POGLUT1: variants seen among roughly 807,000 people sequenced by gnomAD.
POGLUT1 encodes 9630046K23Rik.
A neutral mutation model predicts 61.3 loss-of-function variants in POGLUT1; 32 were observed. The observed-to-expected ratio is 0.52, with a 90% CI of 0.39 to 0.70. The LOEUF (loss-of-function observed/expected upper bound fraction) is 0.70. Ranked by LOEUF, POGLUT1 falls within the 30% of genes least tolerant of loss-of-function variation. The pLI is 0.00. For missense variants in POGLUT1, 411 were observed against 469.8 expected, an observed-to-expected ratio of 0.87 and a Z score of 1.16; for synonymous variants, 158 against 158.2, an observed-to-expected ratio of 1.00 and a Z score of 0.01.
chr3:119,488,163 T>G (rs2081693469), intron 7 of POGLUT1: 1 of 152,130 alleles, frequency 6.6e-6, no homozygotes, highest in South Asian at 2.1e-4. Context: ...TTAAGAAACT[T>G]TGTTGAATAA....
At chr3:119,477,550 A>T (rs1009604723) in intron 4 of POGLUT1, 102 bp downstream of exon 4, 17 of 1,137,064 alleles carry the variant, frequency 1.5e-5, no homozygotes, top group Non-Finnish European at 2.2e-5. Context: ...AATGGTAAGG[A>T]TGAGGACTGA....
At chr3:119,482,013 C>G (rs979306431) in intron 5 of POGLUT1, among the ~76,000 whole-genome samples, 16 of 151,854 alleles carry the variant, frequency 1.1e-4, no homozygotes, top group Non-Finnish European at 2.1e-4. Flanking sequence ...GTGATCCTCC[C>G]ACCTTGGCCT....
intron 3 of POGLUT1, among the ~76,000 whole-genome samples, chr3:119,475,752 C>T (rs1481758909): frequency 6.6e-6 from 1 of 150,390 alleles, no homozygotes; most frequent in Non-Finnish European, 1.5e-5. Context: ...GTGGAGGTTG[C>T]AGTCAGCTGA....
At chr3:119,489,156 G>A (rs1395676031) in intron 8 of POGLUT1, 169 bp downstream of exon 8, 2 of 455,410 alleles carry the variant, frequency 4.4e-6, no homozygotes, top group Non-Finnish European at 8.0e-6. Context: ...TGAGTTCTGT[G>A]GCGACTGTAG....
In POGLUT1 at chr3:119,485,316, C is replaced by G. The variant is rs895184716; in HGVS notation, c.579-12C>G. On this transcript the variant is annotated splice_polypyrimidine_tract_variant and intron_variant, in intron 5 of 10. Transcript: ENST00000295588. ...AAGATATATTGAAACTAATTAAATTCTATATTCTTAGGTCAGCAGCACAGT... is the reference window on the plus strand; with the variant it reads ...AAGATATATTGAAACTAATTAAATTGTATATTCTTAGGTCAGCAGCACAGT... 6.5e-7 allele frequency: 1 copy of G among 1,545,836 alleles called. No homozygotes were observed. The highest frequency in any genetic ancestry group is 1.7e-4 in the Middle Eastern group (1 of 5,860).
At chr3:119,474,820 C>G (rs1299234923) in intron 3 of POGLUT1, among the ~76,000 whole-genome samples, 1 of 152,030 alleles carries the variant, frequency 6.6e-6, no homozygotes, top group African/African-American at 2.4e-5. Context: ...GCCTGGTCAA[C>G]AAGAAAGAAA....
At chr3:119,492,230 A>G (rs1174801808) in intron 10 of POGLUT1, 52 bp from the exon 11 acceptor site, 4 of 1,364,144 alleles carry the variant, frequency 2.9e-6, no homozygotes, top group Non-Finnish European at 4.1e-6. Flanking sequence ...GCAGACTGCT[A>G]TTATCATTAA....
intron 5 of POGLUT1, 79 bp downstream of exon 5, chr3:119,480,251 A>C (rs1353296245): frequency 7.8e-6 from 9 of 1,152,842 alleles, no homozygotes; most frequent in South Asian, 1.9e-5. Context: ...CCAATTATTT[A>C]CTTTTTTTTT....
At chr3:119,469,596 A>G (rs975073736) in intron 1 of POGLUT1, among the ~76,000 whole-genome samples, 1 of 152,132 alleles carries the variant, frequency 6.6e-6, no homozygotes, top group African/African-American at 2.4e-5. Flanking sequence ...TAAGCTTGGG[A>G]ATTTTCCAGT....
Position 119,489,590 on chromosome 3 carries a change from G to A in POGLUT1, c.797+603G>A, listed in dbSNP as rs138161854. On this transcript the variant is annotated intron_variant, in intron 8 of 10. Transcript: ENST00000295588. ...AGCAACTCTGGTTGGCGACAGGTGCGTGCATAAGAAATGCTGAGAAGAAGA... is the reference window on the plus strand; with the variant it reads ...AGCAACTCTGGTTGGCGACAGGTGCATGCATAAGAAATGCTGAGAAGAAGA... 127 of 152,278 alleles carry A rather than the reference G, an allele frequency of 8.3e-4. 1 individual carries two copies. The highest frequency in any genetic ancestry group is 2.9e-3 in the African/African-American group (121 of 41,510). The allele number at this position is 152,278 out of a possible 1,614,324, so 9.4% of individuals were successfully genotyped here.
intron 7 of POGLUT1, chr3:119,488,668 G>A: frequency 3.6e-6 from 1 of 278,794 alleles, no homozygotes; most frequent in Non-Finnish European, 6.9e-6. Flanking sequence ...CATGGCTTTA[G>A]GTGTGCTTAA....
chr3:119,490,098 A>G (rs1425929684), intron 8 of POGLUT1: 1 of 160,982 alleles, frequency 6.2e-6, no homozygotes, highest in African/African-American at 2.4e-5. Flanking sequence ...GGTACACTAG[A>G]GGAAAAACAA....
intron 5 of POGLUT1, among the ~76,000 whole-genome samples, chr3:119,480,663 G>A (rs2081595525): frequency 6.6e-6 from 1 of 151,998 alleles, no homozygotes; most frequent in South Asian, 2.1e-4. Flanking sequence ...GGGCAGAATA[G>A]TCTATCCTAA....
At position 119,488,933 on chromosome 3, in the gene POGLUT1, C is replaced by T. The variant is rs2081705514; in HGVS notation, c.743C>T (p.Thr248Ile). 13 of 1,582,846 alleles carry T rather than the reference C, an allele frequency of 8.2e-6. No homozygotes were observed. Among genetic ancestry groups the T allele is most frequent in the South Asian group, 1.1e-5 (1 of 89,864 alleles). ...TAACTTCCTTTCCACTTAAAGGATA[C>T]CTTAGGAAAGCCAGCTGCTAAGGAT... is the stretch of plus-strand genomic sequence containing the variant. Reference protein sequence around the residue: ...KNQAWKSMKDTLGKPAAKDVH... With the variant: ...KNQAWKSMKDILGKPAAKDVH... Residue 248 changes from threonine to isoleucine, a missense_variant, in exon 8 of 11, where the codon ACC (threonine) becomes ATC (isoleucine). By Grantham distance (89) the Thr-to-Ile change is moderately conservative (BLOSUM62 -1). Transcript: ENST00000295588.
chr3:119,481,883 A>G (rs987685415), intron 5 of POGLUT1, among the ~76,000 whole-genome samples: 16 of 152,072 alleles, frequency 1.1e-4, no homozygotes, highest in African/African-American at 3.9e-4. Context: ...GGTTTTGAAC[A>G]TAATTTTGAG....
At chr3:119,477,021 A>AT (rs2081545237) in intron 3 of POGLUT1, among the ~76,000 whole-genome samples, 1 of 152,254 alleles carries the variant, frequency 6.6e-6, no homozygotes, top group East Asian at 1.9e-4. Context: ...AACTGGAATG[A>AT]ATAAAGTGGT....
chr3:119,489,002 A>T lies in POGLUT1; in HGVS notation c.797+15A>T. On this transcript the variant is annotated intron_variant, in intron 8 of 10. Transcript: ENST00000295588. Reference sequence around the variant, plus strand: ...TGCAAATACAAGTAAGATTTGCAGGACTCCTCACTTTCTTGGTTTCCATAC... The same window carrying T: ...TGCAAATACAAGTAAGATTTGCAGGTCTCCTCACTTTCTTGGTTTCCATAC... The T allele has an allele frequency of 6.6e-7, 1 of 1,503,770 alleles. No homozygotes were observed. Among genetic ancestry groups the T allele is most frequent in the Non-Finnish European group, 9.2e-7 (1 of 1,086,338 alleles). 93.2% of individuals were successfully genotyped at this position (1,503,770 alleles called of 1,614,324 possible).
chr3:119,485,360 A>T lies in POGLUT1; in HGVS notation c.611A>T (p.Asn204Ile). 5 of 1,608,536 alleles carry T rather than the reference A, an allele frequency of 3.1e-6. No homozygotes were observed. The highest frequency in any genetic ancestry group is 4.3e-6 in the Non-Finnish European group (5 of 1,175,354). The change falls in exon 6 of 11, where the codon AAC becomes ATC. Residue 204 changes from asparagine (N) to isoleucine (I), a missense_variant. Asn to Ile is a moderately radical substitution (Grantham distance 149). Transcript: ENST00000295588. ...SAAQWPWKKK[N>I]STAYFRGSRT... ...GCACAGTGGCCATGGAAAAAGAAAAACTCTACAGCATATTTCCGAGGATCA... is the reference window on the plus strand; with the variant it reads ...GCACAGTGGCCATGGAAAAAGAAAATCTCTACAGCATATTTCCGAGGATCA...
rs551897193 is a variant in POGLUT1, at chr3:119,494,301, T to C, written c.*1863T>C. ...AAGAACTATTGGGTGGGTGGATGGA[T>C]GGATGGAGGAATGGAGACAGTTGGC... On this transcript the variant is annotated 3_prime_UTR_variant, in exon 11 of 11. Transcript: ENST00000295588. The C allele has an allele frequency of 6.6e-6, 1 of 152,660 alleles. No homozygotes were observed. The highest frequency in any genetic ancestry group is 6.5e-5 in the Admixed American group (1 of 15,300). The allele number at this position is 152,660 out of a possible 1,614,324, so 9.5% of individuals were successfully genotyped here. A position where few individuals can be genotyped will look rare whatever the true frequency, so the allele number is the denominator to read the frequency against.
Sources: allele counts gnomAD v4.1 joint callset (sites outside exome capture counted in the v4.1 genomes callset), GRCh38; gene constraint gnomAD v4.1.1; transcripts MANE v1.5; gene names NCBI Gene and HGNC (gene_info 2026-07-23, HGNC 2026-07-21).